The following KATNBL1 variants were observed in gnomAD, a reference collection of about 807,000 sequenced individuals.
The protein encoded by KATNBL1 is katanin regulatory subunit B1 like 1.
Under a neutral mutation model 44.7 loss-of-function variants are expected in KATNBL1, and 28 were observed. That is an observed-to-expected ratio of 0.63 (90% CI 0.46 to 0.86). The LOEUF is 0.86. KATNBL1 is among the 40% of genes least tolerant of loss of function. The pLI is 0.00. For synonymous variants in KATNBL1, 78 were observed against 114.9 expected (o/e 0.68, Z 2.06); for missense variants, 272 against 350.7 (o/e 0.78, Z 1.79).
chr15:34,166,952 C>T (rs565181040), intron 1 of KATNBL1, among the ~76,000 whole-genome samples: 1 of 152,314 alleles, frequency 6.6e-6, no homozygotes, highest in East Asian at 1.9e-4. Context: ...TCACCAACAT[C>T]AAACACCAAA....
At chr15:34,182,548 G>A (rs1889598973) in intron 1 of KATNBL1, among the ~76,000 whole-genome samples, 1 of 152,008 alleles carries the variant, frequency 6.6e-6, no homozygotes. Flanking sequence ...GGGACAATAG[G>A]CATAAATCAG....
At chr15:34,152,407 T>A (rs1231271850) in intron 4 of KATNBL1, among the ~76,000 whole-genome samples, 1 of 152,194 alleles carries the variant, frequency 6.6e-6, no homozygotes, top group African/African-American at 2.4e-5. Flanking sequence ...TTTCACCATG[T>A]TGGCCAGGCT....
In KATNBL1 at chr15:34,201,406, G is replaced by C. The variant is rs188083094; in HGVS notation, c.-15+8545C>G. Among the ~76,000 whole-genome samples the C allele has an allele frequency of 3.9e-3, 595 of 152,314 alleles. 6 individuals carry two copies. The highest frequency in any genetic ancestry group is 0.014 in the African/African-American group (576 of 41,574). On this transcript the variant is annotated intron_variant, in intron 1 of 9. Coordinates refer to ENST00000256544, the MANE Select transcript of KATNBL1 (RefSeq NM_024713.3). ...GATATGAGAGAAACTGGGGACAAAAGTCACTTCTAGTGAGAGGATATGTGT... is the reference window on the plus strand; with the variant it reads ...GATATGAGAGAAACTGGGGACAAAACTCACTTCTAGTGAGAGGATATGTGT...
chr15:34,161,723 C>A (rs1888813735), intron 2 of KATNBL1, among the ~76,000 whole-genome samples: 1 of 152,076 alleles, frequency 6.6e-6, no homozygotes, highest in Non-Finnish European at 1.5e-5. Context: ...GGTGGGAGAG[C>A]AGTTTCAGCG....
In KATNBL1 at chr15:34,141,904, G is replaced by GT. The variant is rs751597138; in HGVS notation, c.*434dup. On this transcript the variant is annotated 3_prime_UTR_variant, in exon 10 of 10. Coordinates refer to ENST00000256544, the MANE Select transcript of KATNBL1 (RefSeq NM_024713.3). The stretch of plus-strand genomic sequence containing the variant: ...AGAAAATAGCTGCACACATTTAAGT[G>GT]TTTTTTTTTTTTAATAAAACACAAT... 201 of 130,208 alleles carry GT rather than the reference G, an allele frequency of 1.5e-3. No individual in the cohort carries two copies. The highest frequency in any genetic ancestry group is 4.9e-3 in the East Asian group (22 of 4,468). 8.1% of individuals were successfully genotyped at this position (130,208 alleles called of 1,614,324 possible). A position where few individuals can be genotyped will look rare whatever the true frequency, so the allele number is the denominator to read the frequency against.
Position 34,154,651 on chromosome 15 carries a change from T to C in KATNBL1, c.151A>G (p.Ile51Val), listed in dbSNP as rs1888582597. The change falls in exon 3 of 10, where the codon ATA becomes GTA. Residue 51 changes from isoleucine to valine, a missense_variant. By Grantham distance (29) the Ile-to-Val change is conservative. This residue lies in a region of KATNBL1 where 122 missense variants were observed against 125.0 expected (regional missense o/e 0.98). Coordinates refer to ENST00000256544, the MANE Select transcript of KATNBL1 (RefSeq NM_024713.3). ...CTTTAAAGAAACTCTTACCTATTTA[T>C]GTAAGCAGCCAACTGTTTTGGAGAT... is the stretch of plus-strand genomic sequence containing the variant. Reference protein sequence around the residue: ...KKSPKQLAAYINRTVGQTVKS... With the variant: ...KKSPKQLAAYVNRTVGQTVKS... The C allele has an allele frequency of 6.3e-7, 1 of 1,578,960 alleles. No individual in the cohort carries two copies. The highest frequency in any genetic ancestry group is 1.3e-5 in the African/African-American group (1 of 74,306).
chr15:34,148,901 C>T (rs6495551), intron 4 of KATNBL1, 151 bp from the exon 5 acceptor site: 510,788 of 516,676 alleles, frequency 0.99, 252,718 homozygotes, highest in East Asian at 1. Context: ...CAGTTGACCA[C>T]AGTAAACAAA....
intron 1 of KATNBL1, among the ~76,000 whole-genome samples, chr15:34,196,118 A>G (rs1890022571): frequency 6.6e-6 from 1 of 152,210 alleles, no homozygotes; most frequent in Non-Finnish European, 1.5e-5. Context: ...AAACATTTCA[A>G]TTTAAAATCT....
At chr15:34,155,178 C>T (rs1230370971) in intron 2 of KATNBL1, among the ~76,000 whole-genome samples, 2 of 152,174 alleles carry the variant, frequency 1.3e-5, no homozygotes, top group African/African-American at 2.4e-5. Context: ...GAAAGCTGAA[C>T]ATACTGACAT....
intron 1 of KATNBL1, among the ~76,000 whole-genome samples, chr15:34,178,777 A>AG (rs1555529129): frequency 1.4e-5 from 2 of 138,768 alleles, no homozygotes; most frequent in Non-Finnish European, 3.2e-5. Flanking sequence ...AAAAAAAAAA[A>AG]GGATTTCACT....
chr15:34,146,898 C>A (rs376345653), intron 7 of KATNBL1, 48 bp from the exon 8 acceptor site: 2 of 1,159,174 alleles, frequency 1.7e-6, no homozygotes, highest in South Asian at 2.5e-5. Context: ...ATCTAAGAAC[C>A]CTTCTTATAA....
At position 34,202,466 on chromosome 15, in the gene KATNBL1, T is replaced by TTCC. The variant is rs67515160; in HGVS notation, c.-15+7484_-15+7485insGGA. Among the ~76,000 whole-genome samples the TTCC allele has an allele frequency of 1.9e-3, 16 of 8,250 alleles. No individual in the cohort carries two copies. The East Asian group carries it at 0.033, about 17-fold the overall frequency. The allele number at this position is 8,250 out of a possible 152,430, so 5.4% of individuals were successfully genotyped here. ...TTTTATAACAACGGTTCTTAAACCT[T>TTCC]TATGTTCCAAAACTTGTGAGGATTA... is the stretch of plus-strand genomic sequence containing the variant. On this transcript the variant is annotated intron_variant, in intron 1 of 9. Coordinates refer to ENST00000256544, the MANE Select transcript of KATNBL1 (RefSeq NM_024713.3).
chr15:34,146,398 T>A (rs1320761345), intron 8 of KATNBL1: 1 of 170,156 alleles, frequency 5.9e-6, no homozygotes, highest in Non-Finnish European at 1.2e-5. Flanking sequence ...CACCGGACTC[T>A]CAGGTTAATG....
chr15:34,169,428 T>G (rs979690734), intron 1 of KATNBL1, among the ~76,000 whole-genome samples: 5 of 152,182 alleles, frequency 3.3e-5, no homozygotes, highest in Middle Eastern at 3.2e-3. Flanking sequence ...TAACAGGCTC[T>G]GAAATTGAGG....
At chr15:34,150,879 G>A (rs757262509) in intron 4 of KATNBL1, among the ~76,000 whole-genome samples, 36 of 152,142 alleles carry the variant, frequency 2.4e-4, no homozygotes, top group Admixed American at 2.4e-3. Context: ...TTCTGTTCCT[G>A]TATTAGTTCG....
chr15:34,157,091 T>C (rs1888660541), intron 2 of KATNBL1, among the ~76,000 whole-genome samples: 2 of 152,006 alleles, frequency 1.3e-5, no homozygotes, highest in South Asian at 4.2e-4. Flanking sequence ...AAGTGGAGAG[T>C]TGCCTCTGGC....
chr15:34,189,652 C>G (rs1027715727), intron 1 of KATNBL1, among the ~76,000 whole-genome samples: 1 of 152,138 alleles, frequency 6.6e-6, no homozygotes, highest in Non-Finnish European at 1.5e-5. Context: ...AGAGAGGAGA[C>G]AGTTTCCTAA....
At chr15:34,202,937 G>A (rs1450495283) in intron 1 of KATNBL1, among the ~76,000 whole-genome samples, 1 of 152,124 alleles carries the variant, frequency 6.6e-6, no homozygotes, top group African/African-American at 2.4e-5. Context: ...GTTGCAGTAA[G>A]CCAAGATCAC....
chr15:34,146,547 A>G, intron 8 of KATNBL1: 1 of 481,250 alleles, frequency 2.1e-6, no homozygotes, highest in Non-Finnish European at 3.7e-6. Flanking sequence ...GGGTTGTGCC[A>G]GAAGAAGAGA....
Sources: allele counts gnomAD v4.1 joint callset (sites outside exome capture counted in the v4.1 genomes callset), GRCh38; gene constraint gnomAD v4.1.1; regional missense constraint gnomAD v4.1.1; transcripts MANE v1.5; gene names NCBI Gene and HGNC (gene_info 2026-07-23, HGNC 2026-07-21).